SRPK2: variants seen among roughly 807,000 people sequenced by gnomAD.
SRPK2 encodes the protein SRSF protein kinase 2.
Under a neutral mutation model 90.8 loss-of-function variants are expected in SRPK2, and 21 were observed. The observed-to-expected ratio is 0.23, with a 90% CI of 0.16 to 0.33. The LOEUF is 0.33. SRPK2 is among the 10% of genes least tolerant of loss of function. The pLI is 1.00. For synonymous variants in SRPK2, 288 were observed against 311.1 expected, an observed-to-expected ratio of 0.93 and a Z score of 0.78; for missense variants, 620 against 869.0, an observed-to-expected ratio of 0.71 and a Z score of 3.60.
intron 3 of SRPK2, among the ~76,000 whole-genome samples, chr7:105,203,055 C>G (rs1274723296): frequency 6.6e-6 from 1 of 152,182 alleles, no homozygotes; most frequent in Non-Finnish European, 1.5e-5. Context: ...GTAGCACGAT[C>G]TCAGCTCACT....
intron 15 of SRPK2, among the ~76,000 whole-genome samples, chr7:105,123,700 C>T (rs1800733474): frequency 6.6e-6 from 1 of 152,140 alleles, no homozygotes; most frequent in Admixed American, 6.5e-5. Flanking sequence ...ATGACCGGCC[C>T]TCATTCCTCA....
intron 13 of SRPK2, among the ~76,000 whole-genome samples, chr7:105,131,889 A>G (rs1277128695): frequency 1.3e-5 from 2 of 152,188 alleles, no homozygotes; most frequent in East Asian, 3.8e-4. Flanking sequence ...CACCTTTCCC[A>G]ACACGGAACG....
At chr7:105,365,099 G>A (rs1818873527) in intron 2 of SRPK2, among the ~76,000 whole-genome samples, 2 of 152,052 alleles carry the variant, frequency 1.3e-5, no homozygotes, top group Non-Finnish European at 2.9e-5. Context: ...TTAAATCCTG[G>A]TGCTTACTTC....
At chr7:105,278,465 G>A (rs1402510425) in intron 2 of SRPK2, among the ~76,000 whole-genome samples, 5 of 149,842 alleles carry the variant, frequency 3.3e-5, no homozygotes, top group East Asian at 2.0e-4. Context: ...CCTGAGGTCC[G>A]CAGTTCGAGA....
intron 2 of SRPK2, among the ~76,000 whole-genome samples, chr7:105,373,556 C>T (rs990535608): frequency 6.6e-6 from 1 of 151,970 alleles, no homozygotes; most frequent in African/African-American, 2.4e-5. Context: ...GCGTGCACCA[C>T]CACATCCAGC....
chr7:105,326,313 CAG>C (rs897609800), intron 2 of SRPK2, among the ~76,000 whole-genome samples: 35 of 152,266 alleles, frequency 2.3e-4, no homozygotes, highest in African/African-American at 7.0e-4. Flanking sequence ...ATATGGTGGC[CAG>C]AGTGACTTTT....
intron 2 of SRPK2, among the ~76,000 whole-genome samples, chr7:105,294,123 C>A (rs1402694771): frequency 6.6e-6 from 1 of 152,184 alleles, no homozygotes; most frequent in East Asian, 1.9e-4. Context: ...TAGTTCCTGA[C>A]AACCAGAAGG....
At chr7:105,214,704 C>A in intron 2 of SRPK2, among the ~76,000 whole-genome samples, 1 of 152,104 alleles carries the variant, frequency 6.6e-6, no homozygotes. Flanking sequence ...AAATTAAAGA[C>A]CTAAATAAAC....
intron 5 of SRPK2, 124 bp downstream of exon 5, chr7:105,167,884 T>C: frequency 2.6e-6 from 2 of 761,732 alleles, no homozygotes; most frequent in Non-Finnish European, 4.2e-6. Context: ...GTGCTGAGAT[T>C]ATAGGCATGA....
chr7:105,152,023 CAAA>C (rs34579509), intron 7 of SRPK2, among the ~76,000 whole-genome samples: 14 of 108,286 alleles, frequency 1.3e-4, no homozygotes, highest in East Asian at 2.7e-4. Flanking sequence ...GGTTCTGTCT[CAAA>C]AAAAAAAAAA....
Position 105,287,403 on chromosome 7 carries a change from A to G in SRPK2, c.72-83618T>C, listed in dbSNP as rs186947001. Among the ~76,000 whole-genome samples the G allele has an allele frequency of 1.8e-3, 272 of 152,242 alleles. 2 individuals carry two copies. The highest frequency in any genetic ancestry group is 6.8e-3 in the Middle Eastern group (2 of 294). ...TCATTGTTATAGATATTTCACAGGT[A>G]CATATACATGTGTATATACATGTAA... On this transcript the variant is annotated intron_variant, in intron 2 of 15. Transcript: ENST00000393651.
intron 2 of SRPK2, among the ~76,000 whole-genome samples, chr7:105,279,738 C>A (rs1254554339): frequency 6.6e-6 from 1 of 152,234 alleles, no homozygotes; most frequent in East Asian, 1.9e-4. Flanking sequence ...TCTCTGAAAA[C>A]TATCTAAAGG....
At chr7:105,179,819 C>A (rs1792508735) in intron 3 of SRPK2, among the ~76,000 whole-genome samples, 3 of 100,004 alleles carry the variant, frequency 3.0e-5, no homozygotes, top group East Asian at 2.8e-4. Context: ...AGTAAGAGTC[C>A]ATCTCAAAAA....
chr7:105,170,851 GA>G (rs869097570), intron 3 of SRPK2, among the ~76,000 whole-genome samples: 2 of 22,100 alleles, frequency 9.0e-5, no homozygotes, highest in Non-Finnish European at 2.2e-4. Flanking sequence ...AAGAAAGAAA[GA>G]AAGAAAGAAA....
At chr7:105,250,837 G>A (rs1387268191) in intron 2 of SRPK2, among the ~76,000 whole-genome samples, 1 of 152,120 alleles carries the variant, frequency 6.6e-6, no homozygotes, top group African/African-American at 2.4e-5. Context: ...TAACTACTAT[G>A]ATAATCAGCT....
chr7:105,180,815 C>T (rs551627251), intron 3 of SRPK2, among the ~76,000 whole-genome samples: 1 of 152,220 alleles, frequency 6.6e-6, no homozygotes, highest in East Asian at 1.9e-4. Flanking sequence ...CCATTCTGGA[C>T]ATAGGACCTG....
intron 15 of SRPK2, among the ~76,000 whole-genome samples, chr7:105,121,084 A>C (rs1357136740): frequency 1.3e-5 from 2 of 152,234 alleles, no homozygotes; most frequent in Non-Finnish European, 2.9e-5. Context: ...ACGGTGGCTC[A>C]TGACTGTAAT....
At chr7:105,265,372 G>A (rs908647868) in intron 2 of SRPK2, among the ~76,000 whole-genome samples, 5 of 152,232 alleles carry the variant, frequency 3.3e-5, no homozygotes, top group Admixed American at 6.5e-5. Flanking sequence ...CATATGGGAC[G>A]AAGTACACAG....
At chr7:105,169,286 G>GAAA in intron 3 of SRPK2, 21 bp from the exon 4 acceptor site, 1 of 1,578,892 alleles carries the variant, frequency 6.3e-7, no homozygotes, top group Non-Finnish European at 8.7e-7. Flanking sequence ...AAGAAAGAAA[G>GAAA]AAAAAAATTC....
Sources: allele counts gnomAD v4.1 joint callset (sites outside exome capture counted in the v4.1 genomes callset), GRCh38; gene constraint gnomAD v4.1.1; transcripts MANE v1.5; gene names NCBI Gene and HGNC (gene_info 2026-07-23, HGNC 2026-07-21).